The following BMPER variants were observed in gnomAD, a reference collection of about 807,000 sequenced individuals.
BMPER encodes BMP-binding endothelial regulator protein.
A neutral mutation model predicts 87.3 loss-of-function variants in BMPER; 45 were observed. The ratio of observed to expected loss-of-function variants is 0.52; its 90% CI spans 0.41 to 0.66. The LOEUF is 0.66. Ranked by LOEUF, BMPER falls within the 30% of genes least tolerant of loss-of-function variation. BMPER has a pLI of 0.00. For synonymous variants in BMPER, 326 were observed against 316.2 expected (o/e 1.03, Z -0.33); for missense variants, 784 against 867.5 (o/e 0.90, Z 1.21).
intron 8 of BMPER, among the ~76,000 whole-genome samples, chr7:34,054,360 G>T (rs1788224551): frequency 6.6e-6 from 1 of 152,134 alleles, no homozygotes; most frequent in South Asian, 2.1e-4. Flanking sequence ...GCTAGGGAGT[G>T]CCCTTGTTTT....
At chr7:34,129,533 T>G (rs1219065788) in intron 13 of BMPER, among the ~76,000 whole-genome samples, 2 of 138,512 alleles carry the variant, frequency 1.4e-5, no homozygotes, top group African/African-American at 5.5e-5. Context: ...CGAGACGCTG[T>G]CTCAAAAAAA....
chr7:33,934,378 A>G (rs139291870), intron 2 of BMPER, among the ~76,000 whole-genome samples: 2 of 152,118 alleles, frequency 1.3e-5, no homozygotes, highest in African/African-American at 2.4e-5. Context: ...CACCAATCAG[A>G]CACCAGGGCA....
chr7:33,982,444 C>T (rs903791767), intron 6 of BMPER, among the ~76,000 whole-genome samples: 7 of 151,604 alleles, frequency 4.6e-5, no homozygotes, highest in African/African-American at 1.5e-4. Flanking sequence ...GGTGTAATTG[C>T]TGCAGTGTTC....
chr7:34,088,823 C>T (rs546557584), intron 13 of BMPER, among the ~76,000 whole-genome samples: 1 of 152,270 alleles, frequency 6.6e-6, no homozygotes, highest in South Asian at 2.1e-4. Context: ...CACATTTTCT[C>T]CTGATGTCAT....
intron 3 of BMPER, among the ~76,000 whole-genome samples, chr7:33,940,456 G>C (rs866218323): frequency 1.1e-4 from 16 of 152,200 alleles, no homozygotes; most frequent in Non-Finnish European, 2.1e-4. Context: ...ACTGGAGGGA[G>C]ACCCTTGGGA....
chr7:33,914,047 C>T (rs572163972), intron 2 of BMPER, among the ~76,000 whole-genome samples: 7 of 151,486 alleles, frequency 4.6e-5, no homozygotes, highest in African/African-American at 1.2e-4. Flanking sequence ...CTGCAAGCTC[C>T]GCCTCCCGGG....
In BMPER at chr7:33,920,418, G is replaced by GTTTTTTT. The variant is rs879327540; in HGVS notation, c.219+13516_219+13517insTTTTTTT. On this transcript the variant is annotated intron_variant, in intron 2 of 14. Coordinates refer to ENST00000649409, the MANE Select transcript of BMPER (RefSeq NM_001365308.1). ...CTGTGCAGACCAGGGAAACTCCGTT[G>GTTTTTTT]TGTTTTTTTTTTTTTTTTTTTTTTT... Among the ~76,000 whole-genome samples, 119 of 99,902 alleles carry GTTTTTTT rather than the reference G, an allele frequency of 1.2e-3. 3 individuals are homozygous for GTTTTTTT. The highest frequency in any genetic ancestry group is 3.3e-3 in the East Asian group (10 of 3,002). The allele number at this position is 99,902 out of a possible 152,430, so 65.5% of individuals were successfully genotyped here. A position where few individuals can be genotyped will look rare whatever the true frequency, so the allele number is the denominator to read the frequency against.
chr7:33,937,273 G>C lies in BMPER; in HGVS notation c.220-16G>C. On this transcript the variant is annotated splice_polypyrimidine_tract_variant and intron_variant, in intron 2 of 14. Transcript: ENST00000649409. ...TTGATGTCTATTTCAAATCTCTCGT[G>C]TCTCTTTTTGTCTAGAACAAGGAAG... The C allele has an allele frequency of 6.2e-7, 1 of 1,609,532 alleles. No individual in the cohort carries two copies. The highest frequency in any genetic ancestry group is 8.5e-7 in the Non-Finnish European group (1 of 1,175,838).
At chr7:33,963,022 T>C (rs559016940) in intron 3 of BMPER, among the ~76,000 whole-genome samples, 1 of 152,320 alleles carries the variant, frequency 6.6e-6, no homozygotes, top group Non-Finnish European at 1.5e-5. Flanking sequence ...TACTAGCAAT[T>C]TAGACCTGGA....
intron 6 of BMPER, 152 bp from the exon 7 acceptor site, chr7:34,046,154 A>G (rs545512005): frequency 7.5e-5 from 56 of 749,592 alleles, no homozygotes; most frequent in Non-Finnish European, 1.1e-4. Context: ...GGGAAGATCA[A>G]AGGACGCTTG....
chr7:34,056,846 G>A (rs992588161), intron 9 of BMPER, among the ~76,000 whole-genome samples: 10 of 152,118 alleles, frequency 6.6e-5, no homozygotes, highest in Non-Finnish European at 1.3e-4. Context: ...TCGAACTCCC[G>A]ACCTTGTCGT....
In BMPER at chr7:34,055,409, A is replaced by G. The variant is rs1055552653; in HGVS notation, c.927+106A>G. On this transcript the variant is annotated intron_variant, in intron 9 of 14. Coordinates refer to ENST00000649409, the MANE Select transcript of BMPER (RefSeq NM_001365308.1). ...GTTATCCCATAATTTCTATATACAT[A>G]TACAAATGTATATGTGTGCATATAT... 7.5e-6 allele frequency: 10 copies of G among 1,336,656 alleles called. No homozygotes were observed. In the South Asian group the frequency reaches 1.1e-4, roughly 14 times the overall value. The allele number at this position is 1,336,656 out of a possible 1,614,324, so 82.8% of individuals were successfully genotyped here.
Position 34,062,016 on chromosome 7 carries a change from C to T in BMPER, c.1047C>T (p.Asn349=). ...CTTCTGATTAGGGCAAAATTCTCAA[C>T]AGAAAAGGATGCTGTCCTATTTGCA... ...ISSCPQGKIL[N]RKGCCPICTE... The change falls in exon 11 of 15, where the codon AAC becomes AAT. Residue 349 remains asparagine, a synonymous_variant. Coordinates refer to ENST00000649409, the MANE Select transcript of BMPER (RefSeq NM_001365308.1). 6.3e-7 allele frequency: 1 copy of T among 1,598,970 alleles called. No individual in the cohort carries two copies. Among genetic ancestry groups the T allele is most frequent in the Non-Finnish European group, 8.5e-7 (1 of 1,171,778 alleles).
At chr7:33,921,756 G>T (rs981333760) in intron 2 of BMPER, 1 of 470,984 alleles carries the variant, frequency 2.1e-6, no homozygotes, top group Non-Finnish European at 4.4e-6. Flanking sequence ...CTGACGTGAC[G>T]TTATGTTTGT....
intron 6 of BMPER, among the ~76,000 whole-genome samples, chr7:33,994,079 C>G (rs558763222): frequency 6.6e-6 from 1 of 151,218 alleles, no homozygotes; most frequent in East Asian, 2.0e-4. Flanking sequence ...TTTTGTTTGT[C>G]TGTGCCCTGC....
chr7:34,081,854 G>A (rs971007416), intron 12 of BMPER, among the ~76,000 whole-genome samples: 1 of 152,068 alleles, frequency 6.6e-6, no homozygotes, highest in East Asian at 1.9e-4. Flanking sequence ...CTATGGTATA[G>A]CTACAAATTT....
chr7:33,970,505 T>G, intron 5 of BMPER, 86 bp downstream of exon 5: 1 of 1,371,126 alleles, frequency 7.3e-7, no homozygotes, highest in East Asian at 2.3e-5. Flanking sequence ...TGTTGGAAAT[T>G]TTCCTCACTT....
At chr7:34,111,782 C>T (rs1182232183) in intron 13 of BMPER, among the ~76,000 whole-genome samples, 1 of 152,080 alleles carries the variant, frequency 6.6e-6, no homozygotes, top group Non-Finnish European at 1.5e-5. Flanking sequence ...GGCACGATCT[C>T]GGCTCACTGC....
At chr7:33,958,355 C>T (rs1785195080) in intron 3 of BMPER, among the ~76,000 whole-genome samples, 1 of 152,184 alleles carries the variant, frequency 6.6e-6, no homozygotes, top group South Asian at 2.1e-4. Context: ...TTTGAGCCCT[C>T]ATTATTTGTT....
Sources: allele counts gnomAD v4.1 joint callset (sites outside exome capture counted in the v4.1 genomes callset), GRCh38; gene constraint gnomAD v4.1.1; transcripts MANE v1.5; gene names NCBI Gene and HGNC (gene_info 2026-07-23, HGNC 2026-07-21).